ERC2: variants seen among roughly 807,000 people sequenced by gnomAD.
ERC2 encodes the protein ELKS/RAB6-interacting/CAST family member 2.
A neutral mutation model predicts 114.8 loss-of-function variants in ERC2; 42 were observed. The observed-to-expected ratio is 0.37, with a 90% CI of 0.29 to 0.47. ERC2 has a LOEUF of 0.47. ERC2 is among the 20% of genes least tolerant of loss of function. The probability of loss-of-function intolerance (pLI) is 0.99; values close to 1 mark genes in which losing one functional copy is unlikely to be tolerated. For missense variants in ERC2, 939 were observed against 1,150.7 expected, an observed-to-expected ratio of 0.82 and a Z score of 2.66; for synonymous variants, 454 against 425.5, an observed-to-expected ratio of 1.07 and a Z score of -0.82.
intron 17 of ERC2, among the ~76,000 whole-genome samples, chr3:55,624,384 A>T (rs765946116): frequency 1.3e-5 from 2 of 152,152 alleles, no homozygotes; most frequent in Non-Finnish European, 2.9e-5. Context: ...TCGCCACGGG[A>T]GGGACACAGA....
intron 14 of ERC2, among the ~76,000 whole-genome samples, chr3:55,880,146 T>A (rs929419691): frequency 6.6e-6 from 1 of 152,134 alleles, no homozygotes; most frequent in Admixed American, 6.6e-5. Context: ...AGGGATTGGA[T>A]AGCTGGAACT....
Position 56,339,318 on chromosome 3 carries a change from A to G in ERC2, c.658-42883T>C, listed in dbSNP as rs76579577. Among the ~76,000 whole-genome samples, 167 of 152,262 alleles carry G rather than the reference A, an allele frequency of 1.1e-3. 1 individual carries two copies. In the East Asian group the frequency reaches 0.027, roughly 25 times the overall value. On this transcript the variant is annotated intron_variant, in intron 2 of 17. Transcript: ENST00000288221. Reference sequence around the variant, plus strand: ...GGAAGAGTTTCTGAGGAGGTGAACTATGGAATGCTTTGGTTTCATCAGGGG... The same window carrying G: ...GGAAGAGTTTCTGAGGAGGTGAACTGTGGAATGCTTTGGTTTCATCAGGGG...
chr3:55,853,569 A>T (rs1166432016), intron 14 of ERC2, among the ~76,000 whole-genome samples: 2 of 152,188 alleles, frequency 1.3e-5, no homozygotes, highest in East Asian at 3.9e-4. Flanking sequence ...CACTCAGGAA[A>T]TATAAGTATG....
intron 3 of ERC2, among the ~76,000 whole-genome samples, chr3:56,232,453 C>A (rs2050688906): frequency 1.3e-5 from 2 of 152,144 alleles, no homozygotes; most frequent in Non-Finnish European, 2.9e-5. Flanking sequence ...TTTTTCCTAA[C>A]AATCTATAAT....
chr3:55,775,412 G>T (rs2149036153), intron 14 of ERC2, among the ~76,000 whole-genome samples: 1 of 152,030 alleles, frequency 6.6e-6, no homozygotes, highest in East Asian at 1.9e-4. Flanking sequence ...CATGCCTGTG[G>T]TTCGAGCTCT....
At chr3:55,687,475 G>A (rs2062393803) in intron 16 of ERC2, among the ~76,000 whole-genome samples, 1 of 151,600 alleles carries the variant, frequency 6.6e-6, no homozygotes, top group Non-Finnish European at 1.5e-5. Flanking sequence ...GGATCTTACT[G>A]TCACTCCTGT....
At chr3:56,172,390 A>G (rs1263533640) in intron 4 of ERC2, among the ~76,000 whole-genome samples, 1 of 152,214 alleles carries the variant, frequency 6.6e-6, no homozygotes, top group Non-Finnish European at 1.5e-5. Flanking sequence ...ATTGAATAAG[A>G]AAAACAATCC....
intron 2 of ERC2, among the ~76,000 whole-genome samples, chr3:56,384,814 T>C (rs1225653722): frequency 6.6e-6 from 1 of 152,200 alleles, no homozygotes; most frequent in African/African-American, 2.4e-5. Context: ...TTTTATGGTT[T>C]CAACTCTTGT....
intron 14 of ERC2, among the ~76,000 whole-genome samples, chr3:55,876,760 C>T (rs1160936008): frequency 6.6e-6 from 1 of 152,160 alleles, no homozygotes; most frequent in East Asian, 1.9e-4. Flanking sequence ...ATTGATGGAA[C>T]AGGTCTTTTG....
chr3:55,602,480 G>A (rs1559725323), intron 17 of ERC2, among the ~76,000 whole-genome samples: 1 of 152,162 alleles, frequency 6.6e-6, no homozygotes, highest in Admixed American at 6.5e-5. Context: ...ACCAAAAACA[G>A]GTACCACGGT....
chr3:55,925,197 G>A (rs1051521467), intron 13 of ERC2, among the ~76,000 whole-genome samples: 4 of 152,188 alleles, frequency 2.6e-5, no homozygotes, highest in African/African-American at 4.8e-5. Flanking sequence ...GGGGATGAGA[G>A]TTAAGCCAGG....
intron 3 of ERC2, among the ~76,000 whole-genome samples, chr3:56,180,501 T>G (rs2083231188): frequency 6.6e-6 from 1 of 152,192 alleles, no homozygotes; most frequent in Non-Finnish European, 1.5e-5. Flanking sequence ...GACGGAAATT[T>G]TAATGCCTGC....
At chr3:55,702,962 A>G (rs1221916742) in intron 15 of ERC2, among the ~76,000 whole-genome samples, 3 of 152,188 alleles carry the variant, frequency 2.0e-5, no homozygotes, top group Admixed American at 1.3e-4. Context: ...GTGTCTACCA[A>G]ACTGCTGACC....
chr3:56,049,601 A>G (rs1234871058), intron 7 of ERC2, among the ~76,000 whole-genome samples: 2 of 152,180 alleles, frequency 1.3e-5, no homozygotes, highest in African/African-American at 4.8e-5. Flanking sequence ...CGGCCAGGAT[A>G]TAAAGCAGGC....
At chr3:55,545,170 T>A (rs1211462897) in intron 17 of ERC2, among the ~76,000 whole-genome samples, 1 of 152,156 alleles carries the variant, frequency 6.6e-6, no homozygotes, top group Non-Finnish European at 1.5e-5. Flanking sequence ...CAGTGCCCAT[T>A]CTCCATCCTC....
intron 17 of ERC2, among the ~76,000 whole-genome samples, chr3:55,593,278 A>T (rs1486111409): frequency 6.6e-6 from 1 of 152,186 alleles, no homozygotes; most frequent in Non-Finnish European, 1.5e-5. Context: ...ATCTGAGAGC[A>T]GGGATGAACA....
chr3:56,340,523 A>T (rs553389961), intron 2 of ERC2, among the ~76,000 whole-genome samples: 1,403 of 125,714 alleles, frequency 0.011, 11 homozygotes, highest in Admixed American at 0.025. Context: ...TTTGTGTGTG[A>T]GAGAGAGAGA....
intron 8 of ERC2, among the ~76,000 whole-genome samples, chr3:56,014,589 C>A (rs1016372384): frequency 2.6e-5 from 4 of 151,714 alleles, no homozygotes; most frequent in Non-Finnish European, 5.9e-5. Context: ...TCCCAGACAC[C>A]CCCTCAGCCT....
intron 14 of ERC2, among the ~76,000 whole-genome samples, chr3:55,741,913 A>G (rs1016329361): frequency 2.0e-5 from 3 of 152,308 alleles, no homozygotes; most frequent in South Asian, 2.1e-4. Context: ...TTTAACAAAT[A>G]TGGGCAACAA....
Sources: gnomAD v4.1 joint callset for allele counts (sites outside exome capture counted in the v4.1 genomes callset) on GRCh38, gnomAD v4.1.1 for gene constraint, MANE v1.5 for transcripts, NCBI Gene and HGNC (gene_info 2026-07-23, HGNC 2026-07-21) for gene names.